Variants in BRSK1 observed in about 807,000 individuals in gnomAD.
The protein encoded by BRSK1 is serine/threonine-protein kinase BRSK1.
In BRSK1, 17 loss-of-function variants were observed where a neutral mutation model predicts 86.2. That is an observed-to-expected ratio of 0.20 (90% CI 0.14 to 0.30). BRSK1 has a LOEUF of 0.30. Among genes scored for constraint, BRSK1 ranks in the 10% least tolerant of loss-of-function variants. BRSK1 has a pLI of 1.00. For missense variants in BRSK1, 719 were observed against 1,071.9 expected (o/e 0.67, Z 4.60); for synonymous variants, 464 against 440.1 (o/e 1.05, Z -0.68).
chr19:55,305,368 G>C lies in BRSK1; in HGVS notation c.1765G>C (p.Glu589Gln). ...CAGCTTGACGCCAGAGTCCTCCCCGGAGTGAGTCTCACAGGGAAGGAAAGA... is the reference window on the plus strand; with the variant it reads ...CAGCTTGACGCCAGAGTCCTCCCCGCAGTGAGTCTCACAGGGAAGGAAAGA... ...MSSLTPESSP[E>Q]LAKRSWFGNF... Residue 589 changes from glutamate (E) to glutamine (Q), a missense_variant and splice_region_variant, in exon 15 of 19, where the codon GAG (glutamate) becomes CAG (glutamine). By Grantham distance (29) the Glu-to-Gln change is conservative (BLOSUM62 2). Coordinates refer to ENST00000309383, the MANE Select transcript of BRSK1 (RefSeq NM_032430.2). The C allele has an allele frequency of 6.2e-7, 1 of 1,614,174 alleles. No homozygotes were observed. Among genetic ancestry groups the C allele is most frequent in the Non-Finnish European group, 8.5e-7 (1 of 1,180,026 alleles).
rs796791433 is a variant in BRSK1, at chr19:55,302,085, A to G, written c.826-52A>G. 4.3e-6 allele frequency: 7 copies of G among 1,609,474 alleles called. No individual in the cohort carries two copies. The African/African-American group carries it at 9.3e-5, about 21-fold the overall frequency. On this transcript the variant is annotated intron_variant, in intron 8 of 18. Coordinates refer to ENST00000309383, the MANE Select transcript of BRSK1 (RefSeq NM_032430.2). This position sits in a 1 kb window ranked among gnomAD's most constrained non-coding sequence, Gnocchi z 6.3. ...CACCCCAGTCTTTCATTGCGCGCCT[A>G]CATGTGCCTACGACCTCACTTCTGC...
chr19:55,297,234 G>A (rs1427728127), intron 7 of BRSK1, among the ~76,000 whole-genome samples: 7 of 151,854 alleles, frequency 4.6e-5, no homozygotes, highest in African/African-American at 1.7e-4. Flanking sequence ...GTGCCACCAC[G>A]CCTGGCTAAT....
At chr19:55,285,189 G>A (rs563417378) in intron 1 of BRSK1, among the ~76,000 whole-genome samples, 3 of 150,704 alleles carry the variant, frequency 2.0e-5, no homozygotes, top group African/African-American at 4.9e-5. Flanking sequence ...AGGGTCTGGG[G>A]TCTGGACTCC....
intron 7 of BRSK1, among the ~76,000 whole-genome samples, chr19:55,298,243 A>T (rs2088520008): frequency 1.4e-5 from 1 of 70,088 alleles, no homozygotes; most frequent in Non-Finnish European, 2.7e-5. Flanking sequence ...TTTGAGATGA[A>T]GTCTTAGTCT....
intron 4 of BRSK1, among the ~76,000 whole-genome samples, chr19:55,293,464 T>C (rs2088438222): frequency 6.6e-6 from 1 of 151,940 alleles, no homozygotes; most frequent in Admixed American, 6.6e-5. Context: ...ATCATGCCAC[T>C]GCACTCCAGC....
rs2088277433 is a variant in BRSK1 at position 55,284,407 on chromosome 19, G to A, written c.-36G>A. On this transcript the variant is annotated 5_prime_UTR_variant, in exon 1 of 19. Coordinates refer to ENST00000309383, the MANE Select transcript of BRSK1 (RefSeq NM_032430.2). ...ACGGGGCGACGGCCGCAGGGGGGGC[G>A]GCCGGGGGACCGGTCGGGCCGGGAC... 3.5e-6 allele frequency: 4 copies of A among 1,134,296 alleles called. No individual in the cohort carries two copies. The highest frequency in any genetic ancestry group is 3.9e-5 in the South Asian group (1 of 25,396). The allele number at this position is 1,134,296 out of a possible 1,614,324, so 70.3% of individuals were successfully genotyped here.
Position 55,302,042 on chromosome 19 carries a change from G to C in BRSK1, c.826-95G>C. On this transcript the variant is annotated intron_variant, in intron 8 of 18. Transcript: ENST00000309383. This position sits in a 1 kb window ranked among gnomAD's most constrained non-coding sequence, Gnocchi z 6.3. The stretch of plus-strand genomic sequence containing the variant: ...CCCCCGGTGGGGTGGGCGGGGAGAT[G>C]ATCAGGGACCCCAAAACCACCCCAG... 2 of 1,406,390 alleles carry C rather than the reference G, an allele frequency of 1.4e-6. No individual in the cohort carries two copies. Among genetic ancestry groups the C allele is most frequent in the Non-Finnish European group, 2.0e-6 (2 of 991,888 alleles). The allele number at this position is 1,406,390 out of a possible 1,614,324, so 87.1% of individuals were successfully genotyped here.
At chr19:55,305,776 G>C (rs916668555) in intron 16 of BRSK1, among the ~76,000 whole-genome samples, 190 bp downstream of exon 16, 1 of 152,162 alleles carries the variant, frequency 6.6e-6, no homozygotes. Context: ...CTGGAATTGG[G>C]GAAATAGGAT....
chr19:55,309,110 G>A (rs1386359804), intron 18 of BRSK1, among the ~76,000 whole-genome samples: 5 of 152,032 alleles, frequency 3.3e-5, no homozygotes, highest in Admixed American at 6.5e-5. Context: ...CCAGGAGGAC[G>A]GTGACCCACC....
intron 3 of BRSK1, among the ~76,000 whole-genome samples, chr19:55,288,325 A>C (rs4990764): frequency 0.2 from 30,484 of 151,508 alleles, 3,389 homozygotes; most frequent in Middle Eastern, 0.29. Context: ...AAAATACAAA[A>C]ATTAGCTGAG....
At position 55,284,334 on chromosome 19, in the gene BRSK1, G is replaced by A. The variant is rs1427966814; in HGVS notation, c.-109G>A. The A allele has an allele frequency of 1.1e-6, 1 of 886,242 alleles. No individual in the cohort carries two copies. The allele number at this position is 886,242 out of a possible 1,614,324, so 54.9% of individuals were successfully genotyped here. On this transcript the variant is annotated 5_prime_UTR_variant, in exon 1 of 19. Coordinates refer to ENST00000309383, the MANE Select transcript of BRSK1 (RefSeq NM_032430.2). The stretch of plus-strand genomic sequence containing the variant: ...CTGGGGACCCCCGGAGAGGTGGGGG[G>A]CAGCCGGGGGGGCCGGGACGGAGCG...
Position 55,284,142 on chromosome 19 carries a change from C to A in BRSK1, c.-301C>A. On this transcript the variant is annotated 5_prime_UTR_variant, in exon 1 of 19. Transcript: ENST00000309383. ...CGCCGGCCCGCACCTCAGACCCCCC[C>A]GGCGGGGGGAGGCGCAGGAAGCGGG... The A allele has an allele frequency of 1.1e-5, 12 of 1,082,892 alleles. No individual in the cohort carries two copies. Among genetic ancestry groups the A allele is most frequent in the Non-Finnish European group, 1.4e-5 (12 of 861,200 alleles). The allele number at this position is 1,082,892 out of a possible 1,614,324, so 67.1% of individuals were successfully genotyped here. A position where few individuals can be genotyped will look rare whatever the true frequency, so the allele number is the denominator to read the frequency against.
In BRSK1 at chr19:55,305,378, C is replaced by T. The variant is rs772366299; in HGVS notation, c.1766+9C>T. On this transcript the variant is annotated intron_variant, in intron 15 of 18. Coordinates refer to ENST00000309383, the MANE Select transcript of BRSK1 (RefSeq NM_032430.2). ...CCAGAGTCCTCCCCGGAGTGAGTCT[C>T]ACAGGGAAGGAAAGAGTGGGGATGC... The T allele has an allele frequency of 1.2e-6, 2 of 1,614,082 alleles. No homozygotes were observed. The highest frequency in any genetic ancestry group is 2.7e-5 in the African/African-American group (2 of 74,932).
In BRSK1 at chr19:55,302,973, G is replaced by T; in HGVS notation, c.1028+106G>T. On this transcript the variant is annotated intron_variant, in intron 10 of 18. Coordinates refer to ENST00000309383, the MANE Select transcript of BRSK1 (RefSeq NM_032430.2). The surrounding 1 kb of genome is among the most constrained non-coding windows in gnomAD (Gnocchi z 6.3). The stretch of plus-strand genomic sequence containing the variant: ...GCGAGGAACCCTGGCCTCTCATGGG[G>T]CATGGTTTGAAGCTCCCGCCTGGGA... 1 of 1,440,696 alleles carries T rather than the reference G, an allele frequency of 6.9e-7. No individual in the cohort carries two copies. 89.2% of individuals were successfully genotyped at this position (1,440,696 alleles called of 1,614,324 possible).
chr19:55,291,379 CA>C (rs2088403711), intron 4 of BRSK1, among the ~76,000 whole-genome samples: 1 of 151,866 alleles, frequency 6.6e-6, no homozygotes, highest in Non-Finnish European at 1.5e-5. Context: ...CCCATCTCTC[CA>C]AAAAATAAAA....
chr19:55,284,448 G>C lies in BRSK1; in HGVS notation c.6G>C (p.Ser2=). M[S]SGAKEGGGGS... ...GGGCCGGGACCAAGGGCACCATGTCGTCCGGGGCCAAGGAGGGAGGTGGGG... is the reference window on the plus strand; with the variant it reads ...GGGCCGGGACCAAGGGCACCATGTCCTCCGGGGCCAAGGAGGGAGGTGGGG... Residue 2 remains serine, a synonymous_variant, in exon 1 of 19, where the codon TCG becomes TCC. Transcript: ENST00000309383. 1 of 1,292,520 alleles carries C rather than the reference G, an allele frequency of 7.7e-7. No homozygotes were observed. Among genetic ancestry groups the C allele is most frequent in the Non-Finnish European group, 1.0e-6 (1 of 998,906 alleles). 80.1% of individuals were successfully genotyped at this position (1,292,520 alleles called of 1,614,324 possible).
chr19:55,287,177 C>T lies in BRSK1; in HGVS notation c.232-37C>T. The T allele has an allele frequency of 1.2e-6, 2 of 1,613,566 alleles. No individual in the cohort carries two copies. Among genetic ancestry groups the T allele is most frequent in the Non-Finnish European group, 1.7e-6 (2 of 1,179,538 alleles). On this transcript the variant is annotated intron_variant, in intron 2 of 18. Transcript: ENST00000309383. The surrounding 1 kb of genome is among the most constrained non-coding windows in gnomAD (Gnocchi z 5.3). ...GAGGGCAGGGGCGGGGCCGTGCTGA[C>T]CTCTTTTCCCGTGTCCCCACCCCTC... is the stretch of plus-strand genomic sequence containing the variant.
In BRSK1 at chr19:55,304,993, C is replaced by T; in HGVS notation, c.1717+73C>T. On this transcript the variant is annotated intron_variant, in intron 14 of 18. Transcript: ENST00000309383. The surrounding 1 kb of genome is among the most constrained non-coding windows in gnomAD (Gnocchi z 5.2). Reference sequence around the variant, plus strand: ...CTAAAAATCTGGTTCCAGGGATGTCCGTCTGGCGTGTCTAGAGAGGAAGGG... The same window carrying T: ...CTAAAAATCTGGTTCCAGGGATGTCTGTCTGGCGTGTCTAGAGAGGAAGGG... The T allele has an allele frequency of 1.3e-6, 2 of 1,574,192 alleles. No individual in the cohort carries two copies. The highest frequency in any genetic ancestry group is 2.3e-4 in the Middle Eastern group (1 of 4,336).
chr19:55,304,033 A>C lies in BRSK1; in HGVS notation c.1287-17A>C. On this transcript the variant is annotated splice_polypyrimidine_tract_variant and intron_variant, in intron 12 of 18. Coordinates refer to ENST00000309383, the MANE Select transcript of BRSK1 (RefSeq NM_032430.2). The surrounding 1 kb of genome is among the most constrained non-coding windows in gnomAD (Gnocchi z 5.2). ...CTCCCATCTGATTTTTTTTTTTTAA[A>C]TCTATCCTGGAAACAGATCCCGTAG... 6.3e-7 allele frequency: 1 copy of C among 1,589,490 alleles called. No homozygotes were observed. The highest frequency in any genetic ancestry group is 8.5e-7 in the Non-Finnish European group (1 of 1,171,594).
Sources: gnomAD v4.1 joint callset for allele counts (sites outside exome capture counted in the v4.1 genomes callset) on GRCh38, gnomAD v4.1.1 for gene constraint, Gnocchi (gnomAD v3.1) non-coding constraint, MANE v1.5 for transcripts, NCBI Gene and HGNC (gene_info 2026-07-23, HGNC 2026-07-21) for gene names.